Variants in LAMP3 observed in about 807,000 individuals in gnomAD.
The protein encoded by LAMP3 is lysosome associated membrane protein 3.
In LAMP3, 26 loss-of-function variants were observed where a neutral mutation model predicts 34.8. The ratio of observed to expected loss-of-function variants is 0.75; its 90% CI spans 0.55 to 1.04. LAMP3 has a LOEUF of 1.04. LAMP3 is among the 50% of genes least tolerant of loss of function. The probability of loss-of-function intolerance (pLI) is 0.00; values close to 1 mark genes in which losing one functional copy is unlikely to be tolerated. For synonymous variants in LAMP3, 180 were observed against 201.9 expected, an observed-to-expected ratio of 0.89 and a Z score of 0.92; for missense variants, 495 against 524.0, an observed-to-expected ratio of 0.94 and a Z score of 0.54.
intron 5 of LAMP3, 62 bp from the exon 6 acceptor site, chr3:183,124,276 G>A: frequency 2.2e-6 from 3 of 1,394,144 alleles, no homozygotes; most frequent in Non-Finnish European, 2.8e-6. Context: ...CAGAAAGCAG[G>A]CTAGAGGGGA....
rs116376584 is a variant in LAMP3 at position 183,155,888 on chromosome 3, T to C, written c.50-1497A>G. Among the ~76,000 whole-genome samples, 670 of 152,350 alleles carry C rather than the reference T, an allele frequency of 4.4e-3. 3 individuals are homozygous for C. Among genetic ancestry groups the C allele is most frequent in the Non-Finnish European group, 6.1e-3 (412 of 68,030 alleles). On this transcript the variant is annotated intron_variant, in intron 1 of 5. Transcript: ENST00000265598. Reference sequence around the variant, plus strand: ...TTTTAGGATTATTGTAAGGCTCACATGAGTTGGTTTAAGTAAAACTCTTCA... The same window carrying C: ...TTTTAGGATTATTGTAAGGCTCACACGAGTTGGTTTAAGTAAAACTCTTCA...
chr3:183,141,474 GT>G (rs1576877913), intron 3 of LAMP3, among the ~76,000 whole-genome samples: 2 of 152,192 alleles, frequency 1.3e-5, no homozygotes, highest in East Asian at 3.8e-4. Context: ...AGTGTTCTCA[GT>G]TTTAAACATT....
rs1027697608 is a variant in LAMP3 at position 183,126,272 on chromosome 3, G to A, written c.1118-2058C>T. 7.2e-5 allele frequency among the ~76,000 whole-genome samples: 11 copies of A among 151,962 alleles called. No individual in the cohort carries two copies. The South Asian group carries it at 1.9e-3, about 26-fold the overall frequency. On this transcript the variant is annotated intron_variant, in intron 5 of 5. Coordinates refer to ENST00000265598, the MANE Select transcript of LAMP3 (RefSeq NM_014398.4). ...CTGTAACAGAAGTTCCTTAAGCTCC[G>A]TGAAGTATCATGTGAACCCAAACCC...
At chr3:183,161,215 G>A (rs1720966105) in intron 1 of LAMP3, among the ~76,000 whole-genome samples, 1 of 152,168 alleles carries the variant, frequency 6.6e-6, no homozygotes, top group African/African-American at 2.4e-5. Context: ...TCAGGGCAAG[G>A]GTTTGAATCC....
intron 5 of LAMP3, among the ~76,000 whole-genome samples, chr3:183,126,556 G>GTA (rs1295105874): frequency 6.6e-6 from 1 of 151,860 alleles, no homozygotes; most frequent in African/African-American, 2.4e-5. Flanking sequence ...GTGTGTGTGT[G>GTA]TGTGTGTGCA....
intron 4 of LAMP3, among the ~76,000 whole-genome samples, chr3:183,136,730 A>T (rs915563627): frequency 1.3e-5 from 2 of 151,288 alleles, no homozygotes; most frequent in African/African-American, 4.9e-5. Flanking sequence ...GGAGAAGCCC[A>T]TCTCTTCCCT....
intron 4 of LAMP3, among the ~76,000 whole-genome samples, chr3:183,139,141 G>C (rs1213518188): frequency 2.0e-5 from 3 of 152,132 alleles, no homozygotes; most frequent in Non-Finnish European, 4.4e-5. Context: ...TATAATCCCA[G>C]CACTTTGGGA....
In LAMP3 at chr3:183,154,070, G is replaced by A. The variant is rs917053586; in HGVS notation, c.371C>T (p.Thr124Ile). 6.8e-6 allele frequency: 11 copies of A among 1,614,172 alleles called. No individual in the cohort carries two copies. The highest frequency in any genetic ancestry group is 1.3e-5 in the African/African-American group (1 of 75,044). Residue 124 changes from threonine to isoleucine, a missense_variant, in exon 2 of 6, where the codon ACA becomes ATA. By Grantham distance (89) the Thr-to-Ile change is moderately conservative (BLOSUM62 -1). Transcript: ENST00000265598. ...SHTAPPVTEVTVGPSLAPYSL... is the reference protein window; with the variant it reads ...SHTAPPVTEVIVGPSLAPYSL... ...ATAAGGGGCTAAGCTAGGGCCGACT[G>A]TAACTTCAGTAACTGGAGGAGCTGT... is the stretch of plus-strand genomic sequence containing the variant.
Position 183,123,445 on chromosome 3 carries a change from G to A in LAMP3, c.*636C>T, listed in dbSNP as rs1719712990. 6.5e-6 allele frequency: 1 copy of A among 152,756 alleles called. No homozygotes were observed. The highest frequency in any genetic ancestry group is 6.5e-5 in the Admixed American group (1 of 15,304). The allele number at this position is 152,756 out of a possible 1,614,324, so 9.5% of individuals were successfully genotyped here. On this transcript the variant is annotated 3_prime_UTR_variant, in exon 6 of 6. Transcript: ENST00000265598. ...GTGGTAGTGTGTGCCTGTAATCCCA[G>A]CTACTCGGGAAGCTGAAGCAGGAGA...
chr3:183,125,173 T>C (rs1433814444), intron 5 of LAMP3, among the ~76,000 whole-genome samples: 1 of 152,162 alleles, frequency 6.6e-6, no homozygotes, highest in East Asian at 1.9e-4. Context: ...TAGAATACTC[T>C]AATGAAGAGA....
At chr3:183,158,878 G>GT (rs34924890) in intron 1 of LAMP3, among the ~76,000 whole-genome samples, 81,793 of 148,502 alleles carry the variant, frequency 0.55, 24,691 homozygotes, top group Non-Finnish European at 0.69. Context: ...TGTGACAAGT[G>GT]TTTTTTTTTG....
At chr3:183,135,439 C>T (rs1720051828) in intron 5 of LAMP3, among the ~76,000 whole-genome samples, 1 of 152,162 alleles carries the variant, frequency 6.6e-6, no homozygotes, top group Non-Finnish European at 1.5e-5. Context: ...GGTGGTATTT[C>T]TGTTGTTTTG....
rs1274078148 is a variant in LAMP3, at chr3:183,124,127, T to C, written c.1205A>G (p.Tyr402Cys). 4.3e-6 allele frequency: 7 copies of C among 1,613,962 alleles called. No homozygotes were observed. The highest frequency in any genetic ancestry group is 5.9e-6 in the Non-Finnish European group (7 of 1,180,004). The change falls in exon 6 of 6, where the codon TAT becomes TGT. Residue 402 changes from tyrosine to cysteine, a missense_variant. By Grantham distance (194) the Tyr-to-Cys change is radical. Coordinates refer to ENST00000265598, the MANE Select transcript of LAMP3 (RefSeq NM_014398.4). ...VGLCLMGMGV[Y>C]KIRLRCQSSG... ...TGATTGACACCTTAGGCGGATTTTA[T>C]AGACACCCATACCCATAAGGCAGAG...
At position 183,123,875 on chromosome 3, in the gene LAMP3, A is replaced by G. The variant is rs1719722828; in HGVS notation, c.*206T>C. On this transcript the variant is annotated 3_prime_UTR_variant, in exon 6 of 6. Transcript: ENST00000265598. ...GAAACTAGAAAATAAACAGCTCACT[A>G]TATCTTTCATAAAATAAACAAAAAG... The G allele has an allele frequency of 1.8e-6, 1 of 548,108 alleles. No individual in the cohort carries two copies. Among genetic ancestry groups the G allele is most frequent in the Non-Finnish European group, 3.2e-6 (1 of 314,528 alleles). The allele number at this position is 548,108 out of a possible 1,614,324, so 34.0% of individuals were successfully genotyped here.
chr3:183,132,735 G>A, intron 5 of LAMP3: 3 of 985,428 alleles, frequency 3.0e-6, no homozygotes, highest in Non-Finnish European at 3.6e-6. Flanking sequence ...CAACGAGACA[G>A]GTCAATCCTT....
chr3:183,122,401 T>C lies in LAMP3; in HGVS notation c.*1680A>G, dbSNP rs1246822698. ...GGTTATGTGGACTTTTCTGTTAACA[T>C]CCTGACTTAGTTCCTTTCTTTAGCA... On this transcript the variant is annotated 3_prime_UTR_variant, in exon 6 of 6. Coordinates refer to ENST00000265598, the MANE Select transcript of LAMP3 (RefSeq NM_014398.4). 1.3e-5 allele frequency: 2 copies of C among 152,186 alleles called. No homozygotes were observed. The highest frequency in any genetic ancestry group is 4.8e-5 in the African/African-American group (2 of 41,440). 9.4% of individuals were successfully genotyped at this position (152,186 alleles called of 1,614,324 possible).
At chr3:183,162,811 T>G, upstream of LAMP3, 1 of 664,640 alleles carries the variant, frequency 1.5e-6, no homozygotes. Flanking sequence ...GGAGGGAAAC[T>G]CCGCCGGCCC....
At chr3:183,140,322 G>A (rs998408336) in intron 4 of LAMP3, among the ~76,000 whole-genome samples, 1 of 141,802 alleles carries the variant, frequency 7.1e-6, no homozygotes, top group East Asian at 2.1e-4. Flanking sequence ...CAAGATAATC[G>A]CTTGAACACG....
chr3:183,141,884 C>T (rs755721421), intron 3 of LAMP3, among the ~76,000 whole-genome samples: 3 of 152,130 alleles, frequency 2.0e-5, no homozygotes, highest in Non-Finnish European at 2.9e-5. Flanking sequence ...CAGGTCACAG[C>T]CCTAAGAGGT....
Sources: allele counts gnomAD v4.1 joint callset (sites outside exome capture counted in the v4.1 genomes callset), GRCh38; gene constraint gnomAD v4.1.1; transcripts MANE v1.5; gene names NCBI Gene and HGNC (gene_info 2026-07-23, HGNC 2026-07-21).